The following BUB1 variants were observed in gnomAD, a reference collection of about 807,000 sequenced individuals.
BUB1 encodes the protein BUB1 mitotic checkpoint serine/threonine kinase, also known as mitotic checkpoint serine/threonine-protein kinase BUB1.
Under a neutral mutation model 135.2 loss-of-function variants are expected in BUB1, and 84 were observed. The observed-to-expected ratio is 0.62, with a 90% CI of 0.52 to 0.74. The LOEUF (loss-of-function observed/expected upper bound fraction) is 0.74. Among genes scored for constraint, BUB1 ranks in the 30% least tolerant of loss-of-function variants. BUB1 has a pLI of 0.00. For missense variants in BUB1, 1,162 were observed against 1,288.3 expected (o/e 0.90, Z 1.50); for synonymous variants, 403 against 434.4 (o/e 0.93, Z 0.90).
intron 8 of BUB1, among the ~76,000 whole-genome samples, chr2:110,666,669 G>A (rs1690265293): frequency 1.3e-5 from 2 of 149,780 alleles, no homozygotes; most frequent in Non-Finnish European, 3.0e-5. Context: ...AATAATAATA[G>A]CACAGTATAA....
At chr2:110,655,663 A>G (rs1376369977) in intron 16 of BUB1, 76 bp downstream of exon 16, 1 of 1,314,154 alleles carries the variant, frequency 7.6e-7, no homozygotes, top group Non-Finnish European at 1.0e-6. Context: ...GAAAACTACA[A>G]GAATCAAACT....
chr2:110,662,342 C>T (rs1479322871), intron 9 of BUB1, among the ~76,000 whole-genome samples: 3 of 152,156 alleles, frequency 2.0e-5, no homozygotes, highest in South Asian at 2.1e-4. Flanking sequence ...ATAATAACTG[C>T]CACAAAAGCC....
intron 19 of BUB1, among the ~76,000 whole-genome samples, chr2:110,645,315 T>A (rs879859871): frequency 9.2e-5 from 14 of 151,782 alleles, no homozygotes; most frequent in Non-Finnish European, 1.8e-4. Context: ...GCGCCTGTAG[T>A]CCCAGCTACT....
intron 6 of BUB1, 61 bp downstream of exon 6, chr2:110,669,392 G>T: frequency 8.6e-7 from 1 of 1,163,798 alleles, no homozygotes; most frequent in East Asian, 2.3e-5. Flanking sequence ...GTAGAAGGCA[G>T]CCAGGCTGGC....
At chr2:110,660,069 A>C in intron 10 of BUB1, 33 bp from the exon 11 acceptor site, 1 of 1,575,992 alleles carries the variant, frequency 6.3e-7, no homozygotes, top group Non-Finnish European at 8.7e-7. Context: ...CACACTAGAG[A>C]ATAAAATGCT....
chr2:110,676,978 G>C (rs1463844869), intron 1 of BUB1, among the ~76,000 whole-genome samples: 1 of 152,106 alleles, frequency 6.6e-6, no homozygotes, highest in Non-Finnish European at 1.5e-5. Flanking sequence ...ATAGCAGAGG[G>C]ACAAATCCCT....
rs766659533 is a variant in BUB1, at chr2:110,650,594, G to C, written c.2155C>G (p.Gln719Glu). The stretch of plus-strand genomic sequence containing the variant: ...GAACTCATCTGCATCCATTCTGCTT[G>C]GAGCCCAGCAATAGCATCTGGTGGA... ...EDPPDAIAGL[Q>E]AEWMQMSSLG... is the part of the protein sequence containing the mutation. The change falls in exon 18 of 25, where the codon CAA becomes GAA. Residue 719 changes from glutamine (Q) to glutamate (E), a missense_variant. Coordinates refer to ENST00000302759, the MANE Select transcript of BUB1 (RefSeq NM_004336.5). The C allele has an allele frequency of 2.4e-5, 38 of 1,613,850 alleles. No homozygotes were observed. The highest frequency in any genetic ancestry group is 3.1e-5 in the Non-Finnish European group (37 of 1,179,912).
chr2:110,655,394 G>T (rs1055227042), intron 16 of BUB1, among the ~76,000 whole-genome samples: 12 of 152,072 alleles, frequency 7.9e-5, no homozygotes, highest in African/African-American at 2.9e-4. Flanking sequence ...TTTAATGTCT[G>T]TAGTGGCTGT....
chr2:110,650,719 C>T lies in BUB1; in HGVS notation c.2030G>A (p.Arg677His), dbSNP rs766458085. 8 of 1,613,812 alleles carry T rather than the reference C, an allele frequency of 5.0e-6. No individual in the cohort carries two copies. The highest frequency in any genetic ancestry group is 4.0e-5 in the African/African-American group (3 of 74,860). The stretch of plus-strand genomic sequence containing the variant: ...CCCACCTGCAGCAGGCTGGCTCAGA[C>T]GAAGTAAGGATGCTGAATACATGTG... ...SSHMYSASLL[R>H]LSQPAAGGVL... Residue 677 changes from arginine to histidine, a missense_variant, in exon 18 of 25, where the codon CGT becomes CAT. Coordinates refer to ENST00000302759, the MANE Select transcript of BUB1 (RefSeq NM_004336.5).
intron 16 of BUB1, among the ~76,000 whole-genome samples, chr2:110,654,633 C>CTTTT (rs57453073): frequency 7.9e-6 from 1 of 126,996 alleles, no homozygotes; most frequent in African/African-American, 2.8e-5. Flanking sequence ...AGGCTTTAAT[C>CTTTT]TTTTTTTTTT....
At chr2:110,640,333 C>G (rs879324918) in intron 23 of BUB1, among the ~76,000 whole-genome samples, 1 of 152,092 alleles carries the variant, frequency 6.6e-6, no homozygotes, top group Non-Finnish European at 1.5e-5. Context: ...AGAAACAAGA[C>G]CCCTCCCCAC....
chr2:110,652,828 T>C (rs1225270937), intron 17 of BUB1, among the ~76,000 whole-genome samples: 1 of 152,344 alleles, frequency 6.6e-6, no homozygotes, highest in Admixed American at 6.5e-5. Flanking sequence ...TATACTTTCT[T>C]TGTAATAATT....
At chr2:110,677,831 G>T in intron 1 of BUB1, 139 bp downstream of exon 1, 2 of 1,009,374 alleles carry the variant, frequency 2.0e-6, no homozygotes, top group Non-Finnish European at 2.8e-6. Flanking sequence ...AGCAGCCCAC[G>T]GCCTTGCTGG....
At chr2:110,658,554 T>G (rs776532673) in intron 12 of BUB1, 34 bp from the exon 13 acceptor site, 17 of 1,613,698 alleles carry the variant, frequency 1.1e-5, no homozygotes. Flanking sequence ...GTAAACAGGT[T>G]GCAAAAGAGC....
chr2:110,651,279 C>T (rs1357921273), intron 17 of BUB1, among the ~76,000 whole-genome samples: 1 of 152,136 alleles, frequency 6.6e-6, no homozygotes, highest in East Asian at 1.9e-4. Context: ...ATAATGGAGC[C>T]GAAAACCTCC....
Position 110,639,833 on chromosome 2 carries a change from C to T in BUB1, c.2971G>A (p.Val991Ile), listed in dbSNP as rs1194846009. The part of the protein sequence containing the change: ...PWNYQIDYFG[V>I]AATVYCMLFG... ...AGCATGCAATATACTGTTGCAGCAA[C>T]CCCAAAGTAATCGATCTATGAAGAA... The change falls in exon 24 of 25, where the codon GTT becomes ATT. Residue 991 changes from valine (V) to isoleucine (I), a missense_variant. Val to Ile is a conservative substitution (Grantham distance 29). Transcript: ENST00000302759. 4 of 1,613,326 alleles carry T rather than the reference C, an allele frequency of 2.5e-6. No homozygotes were observed. In the African/African-American group the frequency reaches 4.0e-5, roughly 16 times the overall value.
Position 110,660,005 on chromosome 2 carries a change from G to A in BUB1, c.1249C>T (p.Pro417Ser). ...CVNKSTHEFKPQSGAEIKEGC... is the reference protein window; with the variant it reads ...CVNKSTHEFKSQSGAEIKEGC... ...TCTTTGATCTCTGCTCCACTCTGTG[G>A]CTTGAATTCATGAGTACTCTTATTC... Residue 417 changes from proline (P) to serine (S), a missense_variant, in exon 11 of 25, where the codon CCA (proline) becomes TCA (serine). By Grantham distance (74) the Pro-to-Ser change is moderately conservative. Coordinates refer to ENST00000302759, the MANE Select transcript of BUB1 (RefSeq NM_004336.5). The A allele has an allele frequency of 6.2e-7, 1 of 1,611,758 alleles. No homozygotes were observed. Among genetic ancestry groups the A allele is most frequent in the Non-Finnish European group, 8.5e-7 (1 of 1,178,086 alleles).
intron 18 of BUB1, 69 bp downstream of exon 18, chr2:110,650,476 CT>C: frequency 6.8e-7 from 1 of 1,479,756 alleles, no homozygotes; most frequent in Admixed American, 1.7e-5. Context: ...CTGTGGGTTT[CT>C]TTCATGGGAC....
intron 3 of BUB1, among the ~76,000 whole-genome samples, chr2:110,673,843 C>A (rs372054933): frequency 1.3e-5 from 2 of 152,190 alleles, no homozygotes; most frequent in South Asian, 2.1e-4. Flanking sequence ...AAGTGATCGA[C>A]CTGCCTTGGC....
Sources: gnomAD v4.1 joint callset for allele counts (sites outside exome capture counted in the v4.1 genomes callset) on GRCh38, gnomAD v4.1.1 for gene constraint, MANE v1.5 for transcripts, NCBI Gene and HGNC (gene_info 2026-07-23, HGNC 2026-07-21) for gene names.